KLHL2: variants seen among roughly 807,000 people sequenced by gnomAD.
KLHL2 encodes the protein kelch like family member 2, also known as kelch-like protein 2.
KLHL2 carries 15 observed loss-of-function variants against 75.8 expected under a neutral mutation model. That is an observed-to-expected ratio of 0.20 (90% confidence interval 0.13 to 0.30). KLHL2 has a LOEUF of 0.30. Ranked by LOEUF, KLHL2 falls within the 10% of genes least tolerant of loss-of-function variation. The pLI is 1.00. For missense variants in KLHL2, 381 were observed against 741.0 expected (o/e 0.51, Z 5.64); for synonymous variants, 214 against 251.9 (o/e 0.85, Z 1.42).
At chr4:165,312,427 A>ATT (rs56298732) in intron 11 of KLHL2, among the ~76,000 whole-genome samples, 46,414 of 146,962 alleles carry the variant, frequency 0.32, 7,332 homozygotes, top group Middle Eastern at 0.39. Flanking sequence ...TATTATTATT[A>ATT]TTTTTTTTTA....
intron 5 of KLHL2, chr4:165,279,178 C>T (rs778159077): frequency 2.8e-5 from 44 of 1,590,172 alleles, no homozygotes; most frequent in Non-Finnish European, 3.1e-5. Context: ...TGTCGAGGAG[C>T]CAGCGAAGTT....
intron 2 of KLHL2, among the ~76,000 whole-genome samples, chr4:165,221,681 G>A (rs560570095): frequency 1.6e-4 from 25 of 152,196 alleles, no homozygotes; most frequent in Non-Finnish European, 3.4e-4. Context: ...GCTGCTGGGT[G>A]GAGAATGGAT....
chr4:165,274,801 C>T (rs1742952384), intron 5 of KLHL2, among the ~76,000 whole-genome samples: 1 of 152,206 alleles, frequency 6.6e-6, no homozygotes, highest in Non-Finnish European at 1.5e-5. Context: ...CTTCCATGAA[C>T]TCCTGCTTAT....
chr4:165,317,453 C>T (rs1433242646), intron 13 of KLHL2, among the ~76,000 whole-genome samples: 2 of 151,636 alleles, frequency 1.3e-5, no homozygotes, highest in African/African-American at 2.4e-5. Flanking sequence ...GCCTCTGCCT[C>T]CCTGGGTTCA....
At chr4:165,250,831 C>CAG (rs1740642821) in intron 4 of KLHL2, among the ~76,000 whole-genome samples, 1 of 152,008 alleles carries the variant, frequency 6.6e-6, no homozygotes, top group African/African-American at 2.4e-5. Context: ...TATTCTGAAT[C>CAG]AGGTCATATA....
At chr4:165,208,606 A>C (rs1449214740) in intron 1 of KLHL2, 6 of 152,242 alleles carry the variant, frequency 3.9e-5, no homozygotes. Flanking sequence ...ATAATAGCTG[A>C]AACATTATGT....
intron 8 of KLHL2, among the ~76,000 whole-genome samples, chr4:165,300,450 G>A (rs1745262545): frequency 6.6e-6 from 1 of 152,130 alleles, no homozygotes; most frequent in Admixed American, 6.5e-5. Flanking sequence ...TATACCATTT[G>A]ATGGTTCCCT....
At chr4:165,312,427 AT>A (rs56298732) in intron 11 of KLHL2, among the ~76,000 whole-genome samples, 7 of 147,132 alleles carry the variant, frequency 4.8e-5, no homozygotes, top group South Asian at 2.1e-4. Context: ...TATTATTATT[AT>A]TTTTTTTTAA....
intron 5 of KLHL2, chr4:165,277,980 G>C: frequency 8.1e-7 from 1 of 1,228,310 alleles, no homozygotes; most frequent in Non-Finnish European, 1.2e-6. Context: ...TGAGTTGGTA[G>C]GTTTTATGGA....
At chr4:165,254,159 G>A (rs56246670) in intron 4 of KLHL2, among the ~76,000 whole-genome samples, 7,637 of 152,226 alleles carry the variant, frequency 0.05, 252 homozygotes, top group African/African-American at 0.12. Flanking sequence ...AGAGGAGCTT[G>A]TTGTCCATTA....
intron 4 of KLHL2, among the ~76,000 whole-genome samples, chr4:165,261,591 G>A (rs1741681741): frequency 6.6e-6 from 1 of 152,110 alleles, no homozygotes; most frequent in Non-Finnish European, 1.5e-5. Flanking sequence ...CACCTGCCTC[G>A]GCCTCCTAAA....
intron 11 of KLHL2, among the ~76,000 whole-genome samples, chr4:165,312,736 G>A (rs577303086): frequency 3.9e-5 from 6 of 152,278 alleles, no homozygotes; most frequent in South Asian, 2.1e-4. Context: ...CATACAGTAT[G>A]TGATCTTTGG....
At chr4:165,227,246 A>G (rs879789491) in intron 2 of KLHL2, among the ~76,000 whole-genome samples, 2 of 152,268 alleles carry the variant, frequency 1.3e-5, no homozygotes, top group East Asian at 3.9e-4. Flanking sequence ...AAGCCATACC[A>G]TAATCTAAAT....
chr4:165,213,995 A>G (rs935480991), intron 1 of KLHL2, among the ~76,000 whole-genome samples: 1 of 152,208 alleles, frequency 6.6e-6, no homozygotes, highest in African/African-American at 2.4e-5. Context: ...CACATCAGAC[A>G]TATTTGTGAA....
At chr4:165,227,499 G>T (rs990117811) in intron 2 of KLHL2, among the ~76,000 whole-genome samples, 8 of 152,172 alleles carry the variant, frequency 5.3e-5, no homozygotes, top group African/African-American at 1.7e-4. Flanking sequence ...AATTACAGAA[G>T]TAGGCAGGCC....
chr4:165,306,787 C>G (rs1343344968), intron 9 of KLHL2, among the ~76,000 whole-genome samples: 1 of 152,064 alleles, frequency 6.6e-6, no homozygotes, highest in African/African-American at 2.4e-5. Flanking sequence ...AGGAAAGTAG[C>G]CTTTTTGTCT....
intron 14 of KLHL2, 79 bp from the exon 15 acceptor site, chr4:165,321,953 A>G: frequency 8.1e-7 from 1 of 1,229,248 alleles, no homozygotes; most frequent in Non-Finnish European, 1.2e-6. Context: ...TTCGTATTAT[A>G]ATGAAGAATT....
chr4:165,245,221 CA>C (rs917717400), intron 4 of KLHL2, among the ~76,000 whole-genome samples: 1 of 151,378 alleles, frequency 6.6e-6, no homozygotes, highest in African/African-American at 2.4e-5. Context: ...ATAACAACAA[CA>C]AAAAAAACTG....
intron 5 of KLHL2, chr4:165,278,433 G>C: frequency 6.7e-7 from 1 of 1,492,314 alleles, no homozygotes; most frequent in Non-Finnish European, 9.4e-7. Flanking sequence ...AAAATCTCTC[G>C]AGTTTGGAAA....
Sources: allele counts gnomAD v4.1 joint callset (sites outside exome capture counted in the v4.1 genomes callset), GRCh38; gene constraint gnomAD v4.1.1; transcripts MANE v1.5; gene names NCBI Gene and HGNC (gene_info 2026-07-23, HGNC 2026-07-21).